The following VPS13A variants were observed in gnomAD, a reference collection of about 807,000 sequenced individuals.
VPS13A encodes the protein intermembrane lipid transfer protein VPS13A.
Under a neutral mutation model 390.9 loss-of-function variants are expected in VPS13A, and 264 were observed. The observed-to-expected ratio is 0.68, with a 90% CI of 0.61 to 0.75. The LOEUF (loss-of-function observed/expected upper bound fraction) is 0.75. VPS13A is among the 30% of genes least tolerant of loss of function. VPS13A has a pLI of 0.00. For missense variants in VPS13A, 3,409 were observed against 3,733.9 expected (o/e 0.91, Z 2.27); for synonymous variants, 1,231 against 1,227.1 (o/e 1.00, Z -0.07).
At chr9:77,400,933 G>C (rs1265688656) in intron 68 of VPS13A, among the ~76,000 whole-genome samples, 1 of 151,996 alleles carries the variant, frequency 6.6e-6, no homozygotes, top group Non-Finnish European at 1.5e-5. Context: ...GGTATATAGA[G>C]AGAAGGATAC....
rs558063986 is a variant in VPS13A, at chr9:77,218,608, G to A, written c.755-1346G>A. Among the ~76,000 whole-genome samples, 6 of 150,896 alleles carry A rather than the reference G, an allele frequency of 4.0e-5. No homozygotes were observed. The South Asian group carries it at 1.3e-3, about 32-fold the overall frequency. ...GTTTGAGAACCACTCAGATAGACTAGGGTTCAATAAGGTTCTCATACTTTG... is the reference window on the plus strand; with the variant it reads ...GTTTGAGAACCACTCAGATAGACTAAGGTTCAATAAGGTTCTCATACTTTG... On this transcript the variant is annotated intron_variant, in intron 10 of 71. Coordinates refer to ENST00000360280, the MANE Select transcript of VPS13A (RefSeq NM_033305.3).
At chr9:77,263,559 G>C (rs1825872710) in intron 23 of VPS13A, among the ~76,000 whole-genome samples, 1 of 152,112 alleles carries the variant, frequency 6.6e-6, no homozygotes, top group African/African-American at 2.4e-5. Context: ...AGAAGTGTCT[G>C]TTCATATCCT....
In VPS13A at chr9:77,331,485, G is replaced by C. The variant is rs578254613; in HGVS notation, c.5992-525G>C. Among the ~76,000 whole-genome samples the C allele has an allele frequency of 3.3e-5, 5 of 151,896 alleles. No homozygotes were observed. In the South Asian group the frequency reaches 1.0e-3, roughly 32 times the overall value. ...AGGAATGTCAAGTATCTTTTCATCT[G>C]TTTATTGGTCAGTTTTTCCATTCTG... On this transcript the variant is annotated intron_variant, in intron 45 of 71. Transcript: ENST00000360280.
Position 77,318,459 on chromosome 9 carries a change from T to A in VPS13A, c.5181T>A (p.Asp1727Glu), listed in dbSNP as rs763972314. ...GCGAGATGATAAAAATGAACATTGA[T>A]TCTATTTTTATAGTTCTTGAGGCTG... ...PKGEMIKMNIDSIFIVLEAGI... is the reference protein window; with the variant it reads ...PKGEMIKMNIESIFIVLEAGI... Residue 1727 changes from aspartate to glutamate, a missense_variant, in exon 41 of 72, where the codon GAT (aspartate) becomes GAA (glutamate). Asp to Glu is a conservative substitution (Grantham distance 45). Around this residue, in one of 5 missense-constraint regions of VPS13A, gnomAD observed 2,717 missense variants for 2,917.4 expected, o/e 0.93. Coordinates refer to ENST00000360280, the MANE Select transcript of VPS13A (RefSeq NM_033305.3). The A allele has an allele frequency of 6.2e-7, 1 of 1,613,846 alleles. No individual in the cohort carries two copies. The highest frequency in any genetic ancestry group is 8.5e-7 in the Non-Finnish European group (1 of 1,179,818).
chr9:77,270,040 T>C (rs796550365), intron 23 of VPS13A, among the ~76,000 whole-genome samples: 1 of 152,190 alleles, frequency 6.6e-6, no homozygotes, highest in African/African-American at 2.4e-5. Context: ...TGTGAGAACA[T>C]AGATTTCTGT....
intron 68 of VPS13A, chr9:77,385,153 C>A: frequency 3.2e-6 from 3 of 947,692 alleles, no homozygotes; most frequent in Non-Finnish European, 3.8e-6. Context: ...ATATTTTTGT[C>A]AAATTTCTTT....
Position 77,318,587 on chromosome 9 carries a change from T to C in VPS13A, c.5309T>C (p.Leu1770Pro). The change falls in exon 41 of 72, where the codon CTA becomes CCA. Residue 1770 changes from leucine (L) to proline (P), a missense_variant. Physicochemically the swap from Leu to Pro is moderately conservative, Grantham distance 98. Coordinates refer to ENST00000360280, the MANE Select transcript of VPS13A (RefSeq NM_033305.3). Reference sequence around the variant, plus strand: ...ATAAATCTGCACTGTCAGCTTGAGCTAGAAGTAAGCATATTTTTCCAGTTT... The same window carrying C: ...ATAAATCTGCACTGTCAGCTTGAGCCAGAAGTAAGCATATTTTTCCAGTTT... ...SLINLHCQLELEVHYYNEMFG... is the reference protein window; with the variant it reads ...SLINLHCQLEPEVHYYNEMFG... The C allele has an allele frequency of 6.2e-7, 1 of 1,612,386 alleles. No individual in the cohort carries two copies. Among genetic ancestry groups the C allele is most frequent in the Non-Finnish European group, 8.5e-7 (1 of 1,178,566 alleles).
At chr9:77,221,476 T>C (rs760407547) in intron 13 of VPS13A, 120 bp downstream of exon 13, 4 of 1,121,146 alleles carry the variant, frequency 3.6e-6, no homozygotes, top group Non-Finnish European at 5.1e-6. Context: ...TCTCTTTTAC[T>C]TAGACTTTTT....
chr9:77,242,199 T>C (rs1431310519), intron 19 of VPS13A, among the ~76,000 whole-genome samples: 2 of 152,194 alleles, frequency 1.3e-5, no homozygotes, highest in East Asian at 3.8e-4. Context: ...ATTTTTATTA[T>C]ATTCACTTTA....
At chr9:77,216,821 A>G (rs1011043924) in intron 10 of VPS13A, among the ~76,000 whole-genome samples, 4 of 152,206 alleles carry the variant, frequency 2.6e-5, no homozygotes, top group Admixed American at 2.6e-4. Flanking sequence ...AAGAATTTGG[A>G]GTTTGAGAAG....
intron 1 of VPS13A, among the ~76,000 whole-genome samples, chr9:77,197,809 A>G (rs76492753): frequency 0.013 from 2,028 of 152,296 alleles, 43 homozygotes; most frequent in African/African-American, 0.045. Flanking sequence ...TGTACCTTCA[A>G]CCATCAGAAA....
At chr9:77,351,544 G>A in intron 53 of VPS13A, 98 bp downstream of exon 53, 1 of 1,471,636 alleles carries the variant, frequency 6.8e-7, no homozygotes, top group Non-Finnish European at 9.4e-7. Flanking sequence ...AGCACTTTTG[G>A]GAGGCTGAGG....
At chr9:77,343,387 CCT>C (rs1355347368) in intron 50 of VPS13A, among the ~76,000 whole-genome samples, 1 of 152,152 alleles carries the variant, frequency 6.6e-6, no homozygotes, top group Admixed American at 6.5e-5. Flanking sequence ...GCTACATTGT[CCT>C]CAAGTCATGT....
chr9:77,415,017 G>A (rs1057071835), intron 71 of VPS13A, among the ~76,000 whole-genome samples: 15 of 152,088 alleles, frequency 9.9e-5, no homozygotes, highest in African/African-American at 2.4e-4. Context: ...GATATAAGGC[G>A]ACACTGACAC....
In VPS13A at chr9:77,209,509, A is replaced by T; in HGVS notation, c.472A>T (p.Ile158Phe). ...AAATCTTCAGGTGAAAATTTCCAGT[A>T]TCCATATTCGTTATGAAGATGATGT... The part of the protein sequence containing the change: ...IKNLQVKISS[I>F]HIRYEDDITN... The change falls in exon 6 of 72, where the codon ATC becomes TTC. Residue 158 changes from isoleucine to phenylalanine, a missense_variant. By Grantham distance (21) the Ile-to-Phe change is conservative (BLOSUM62 0). Coordinates refer to ENST00000360280, the MANE Select transcript of VPS13A (RefSeq NM_033305.3). 6.2e-7 allele frequency: 1 copy of T among 1,601,808 alleles called. No homozygotes were observed. Among genetic ancestry groups the T allele is most frequent in the Non-Finnish European group, 8.5e-7 (1 of 1,169,810 alleles).
Position 77,332,029 on chromosome 9 carries a change from T to G in VPS13A, c.6011T>G (p.Val2004Gly), listed in dbSNP as rs1263657096. The change falls in exon 46 of 72, where the codon GTC becomes GGC. Residue 2004 changes from valine (V) to glycine (G), a missense_variant. Val to Gly is a moderately radical substitution (Grantham distance 109). Transcript: ENST00000360280. Reference sequence around the variant, plus strand: ...TCCCAGATAAGAAATCATTTTTCAGTCCCACTGTCTGTTTACGAAGGGGAT... The same window carrying G: ...TCCCAGATAAGAAATCATTTTTCAGGCCCACTGTCTGTTTACGAAGGGGAT... ...SPVQIRNHFS[V>G]PLSVYEGDTL... 6.2e-7 allele frequency: 1 copy of G among 1,610,792 alleles called. No individual in the cohort carries two copies. Among genetic ancestry groups the G allele is most frequent in the Non-Finnish European group, 8.5e-7 (1 of 1,177,458 alleles).
chr9:77,395,957 T>G (rs926996138), intron 68 of VPS13A: 1 of 152,208 alleles, frequency 6.6e-6, no homozygotes, highest in African/African-American at 2.4e-5. Context: ...TGATTTGAAC[T>G]GCTCTGAATT....
At chr9:77,323,045 T>C in intron 44 of VPS13A, 22 bp from the exon 45 acceptor site, 7 of 1,575,954 alleles carry the variant, frequency 4.4e-6, no homozygotes, top group East Asian at 2.3e-5. Context: ...TAAAAACTTT[T>C]AAACATACTT....
At chr9:77,210,820 G>C in intron 7 of VPS13A, 145 bp downstream of exon 7, 1 of 777,908 alleles carries the variant, frequency 1.3e-6, no homozygotes, top group South Asian at 1.6e-5. Context: ...GGAATCGAGG[G>C]TATGTAGATT....
Sources: gnomAD v4.1 joint callset for allele counts (sites outside exome capture counted in the v4.1 genomes callset) on GRCh38, gnomAD v4.1.1 for gene constraint, gnomAD v4.1.1 regional missense constraint, MANE v1.5 for transcripts, NCBI Gene and HGNC (gene_info 2026-07-23, HGNC 2026-07-21) for gene names.